The following AOAH variants were observed in gnomAD, a reference collection of about 807,000 sequenced individuals.
The protein encoded by AOAH is acyloxyacyl hydrolase (neutrophil).
AOAH carries 64 observed loss-of-function variants against 92.2 expected under a neutral mutation model. The observed-to-expected ratio is 0.69, with a 90% CI of 0.57 to 0.86. The LOEUF is 0.86. Among genes scored for constraint, AOAH ranks in the 40% least tolerant of loss-of-function variants. The probability of loss-of-function intolerance (pLI) is 0.00; values close to 1 mark genes in which losing one functional copy is unlikely to be tolerated. For missense variants in AOAH, 656 were observed against 694.6 expected (o/e 0.94, Z 0.62); for synonymous variants, 263 against 254.5 (o/e 1.03, Z -0.32).
chr7:36,682,683 A>G (rs1244722358), intron 2 of AOAH, among the ~76,000 whole-genome samples: 1 of 152,130 alleles, frequency 6.6e-6, no homozygotes, highest in African/African-American at 2.4e-5. Context: ...GGAAAAAATA[A>G]AACATGAAAT....
At chr7:36,650,923 G>A (rs1323846751) in intron 4 of AOAH, among the ~76,000 whole-genome samples, 2 of 152,232 alleles carry the variant, frequency 1.3e-5, no homozygotes, top group Admixed American at 6.5e-5. Flanking sequence ...AGAGAGGTTG[G>A]TCAGGGAGGG....
At chr7:36,641,451 A>G (rs1793910385) in intron 4 of AOAH, among the ~76,000 whole-genome samples, 1 of 152,120 alleles carries the variant, frequency 6.6e-6, no homozygotes, top group African/African-American at 2.4e-5. Context: ...TTCCCTTAAC[A>G]TCTTCAATAA....
At chr7:36,611,819 A>T (rs1291627403) in intron 11 of AOAH, among the ~76,000 whole-genome samples, 4 of 152,170 alleles carry the variant, frequency 2.6e-5, no homozygotes, top group African/African-American at 9.7e-5. Flanking sequence ...ATTTTCATAG[A>T]CCTTAGCTCA....
rs374305634 is a variant in AOAH, at chr7:36,598,566, A to G, written c.847-4136T>C. On this transcript the variant is annotated intron_variant, in intron 11 of 20. Coordinates refer to ENST00000617537, the MANE Select transcript of AOAH (RefSeq NM_001637.4). ...CAGGTTGACAAGTCAGAGCCCTACT[A>G]TGTGAAGCATCATGTTTAGGGCAGA... Among the ~76,000 whole-genome samples, 16 of 152,318 alleles carry G rather than the reference A, an allele frequency of 1.1e-4. No homozygotes were observed. In the East Asian group the frequency reaches 2.7e-3, roughly 26 times the overall value.
At chr7:36,715,590 G>C (rs1799101811) in intron 1 of AOAH, among the ~76,000 whole-genome samples, 1 of 150,296 alleles carries the variant, frequency 6.7e-6, no homozygotes, top group South Asian at 2.2e-4. Flanking sequence ...CAAGGCTACA[G>C]TAACCAAAAC....
At chr7:36,636,968 T>G (rs1172355110) in intron 5 of AOAH, among the ~76,000 whole-genome samples, 2 of 152,096 alleles carry the variant, frequency 1.3e-5, no homozygotes, top group Middle Eastern at 3.2e-3. Flanking sequence ...AAGGACGAGG[T>G]CTTTGCCCTC....
At chr7:36,681,282 G>A (rs918330813) in intron 2 of AOAH, among the ~76,000 whole-genome samples, 4 of 152,158 alleles carry the variant, frequency 2.6e-5, no homozygotes, top group African/African-American at 7.2e-5. Context: ...AATTGTGAAT[G>A]TTCAATAGAG....
At chr7:36,654,561 C>G (rs1794768702) in intron 4 of AOAH, among the ~76,000 whole-genome samples, 1 of 152,110 alleles carries the variant, frequency 6.6e-6, no homozygotes, top group South Asian at 2.1e-4. Context: ...CTCTGTTGCT[C>G]TGCTCTGCTT....
At chr7:36,554,040 A>G (rs1405460129) in intron 13 of AOAH, among the ~76,000 whole-genome samples, 6 of 152,174 alleles carry the variant, frequency 3.9e-5, no homozygotes, top group Non-Finnish European at 8.8e-5. Context: ...TTGGTGTTTT[A>G]GACATGAAGT....
At chr7:36,579,639 C>A (rs1265858284) in intron 12 of AOAH, among the ~76,000 whole-genome samples, 1 of 152,094 alleles carries the variant, frequency 6.6e-6, no homozygotes, top group East Asian at 1.9e-4. Context: ...AACTTGGAGT[C>A]TGATATTCAA....
At chr7:36,626,085 T>C (rs1408888289) in intron 6 of AOAH, among the ~76,000 whole-genome samples, 1 of 152,224 alleles carries the variant, frequency 6.6e-6, no homozygotes, top group Non-Finnish European at 1.5e-5. Context: ...CCCATGTATG[T>C]ATTTGGCCTC....
At chr7:36,645,539 T>C (rs7794780) in intron 4 of AOAH, among the ~76,000 whole-genome samples, 87,097 of 151,950 alleles carry the variant, frequency 0.57, 25,854 homozygotes, top group African/African-American at 0.67. Context: ...GCAAGAAGTT[T>C]TACTGCTTAC....
At chr7:36,607,323 A>T (rs1439376034) in intron 11 of AOAH, among the ~76,000 whole-genome samples, 3 of 152,202 alleles carry the variant, frequency 2.0e-5, no homozygotes, top group African/African-American at 7.2e-5. Context: ...TTGCCAGACA[A>T]TACGATCAGG....
intron 5 of AOAH, among the ~76,000 whole-genome samples, chr7:36,634,065 T>A (rs1466328400): frequency 6.6e-6 from 1 of 151,164 alleles, no homozygotes; most frequent in Non-Finnish European, 1.5e-5. Flanking sequence ...CGGAGGAGGG[T>A]GATGGTGTGA....
chr7:36,662,723 C>T (rs1795294454), intron 3 of AOAH, among the ~76,000 whole-genome samples: 1 of 152,114 alleles, frequency 6.6e-6, no homozygotes, highest in South Asian at 2.1e-4. Flanking sequence ...TTTTTCCTCC[C>T]TAATAGGGCA....
At chr7:36,659,818 G>A (rs1393139272) in intron 3 of AOAH, among the ~76,000 whole-genome samples, 11 of 139,668 alleles carry the variant, frequency 7.9e-5, no homozygotes, top group Admixed American at 1.5e-4. Context: ...GCCGAAGCTC[G>A]GCCATTATAA....
At chr7:36,663,642 G>C (rs567344922) in intron 3 of AOAH, among the ~76,000 whole-genome samples, 3 of 152,188 alleles carry the variant, frequency 2.0e-5, no homozygotes, top group Admixed American at 6.5e-5. Context: ...TTTATGACTT[G>C]AGAGCTCATT....
chr7:36,621,535 C>T lies in AOAH; in HGVS notation c.653+175G>A, dbSNP rs150676570. On this transcript the variant is annotated intron_variant, in intron 8 of 20. Coordinates refer to ENST00000617537, the MANE Select transcript of AOAH (RefSeq NM_001637.4). ...TTGTAGGTCCCTGATAAGCATTTCT[C>T]GGACAAACGAACGAATGAATGCCGT... Among the ~76,000 whole-genome samples the T allele has an allele frequency of 7.2e-5, 11 of 152,318 alleles. No homozygotes were observed. In the East Asian group the frequency reaches 7.7e-4, roughly 11 times the overall value.
rs183770676 is a variant in AOAH at position 36,538,090 on chromosome 7, C to T, written c.1306+2229G>A. Among the ~76,000 whole-genome samples the T allele has an allele frequency of 5.6e-3, 821 of 147,336 alleles. 5 individuals carry two copies. The highest frequency in any genetic ancestry group is 8.4e-3 in the Non-Finnish European group (566 of 67,242). On this transcript the variant is annotated intron_variant, in intron 16 of 20. Coordinates refer to ENST00000617537, the MANE Select transcript of AOAH (RefSeq NM_001637.4). ...TCACCCAGGCTGGAGTGCAATGGTG[C>T]GATCTCGGCTCACTGCAACCTCTGC...
Sources: gnomAD v4.1 joint callset for allele counts (sites outside exome capture counted in the v4.1 genomes callset) on GRCh38, gnomAD v4.1.1 for gene constraint, MANE v1.5 for transcripts, NCBI Gene and HGNC (gene_info 2026-07-23, HGNC 2026-07-21) for gene names.